Variants in GALNTL6 observed in about 807,000 individuals in gnomAD.
GALNTL6 encodes polypeptide N-acetylgalactosaminyltransferase-like 6.
In GALNTL6, 46 loss-of-function variants were observed where a neutral mutation model predicts 73.7. The observed-to-expected ratio is 0.62, with a 90% CI of 0.49 to 0.80. The LOEUF is 0.80. Ranked by LOEUF, GALNTL6 falls within the 30% of genes least tolerant of loss-of-function variation. GALNTL6 has a pLI of 0.00. For missense variants in GALNTL6, 604 were observed against 755.0 expected (o/e 0.80, Z 2.34); for synonymous variants, 259 against 263.7 (o/e 0.98, Z 0.17).
chr4:172,386,813 T>C lies in GALNTL6; in HGVS notation c.553+38124T>C, dbSNP rs115527767. Among the ~76,000 whole-genome samples, 1,116 of 152,166 alleles carry C rather than the reference T, an allele frequency of 7.3e-3. 13 individuals carry two copies. The highest frequency in any genetic ancestry group is 0.025 in the African/African-American group (1,053 of 41,532). ...TGGTTCCAAGCTTGCCCCCAGCCAA[T>C]TGGATAGTTTCTACCCACATTGAAG... On this transcript the variant is annotated intron_variant, in intron 5 of 12. Transcript: ENST00000506823.
intron 5 of GALNTL6, among the ~76,000 whole-genome samples, chr4:172,490,296 A>T (rs1733849353): frequency 6.6e-6 from 1 of 152,204 alleles, no homozygotes. Flanking sequence ...TAAATAGAAA[A>T]AAAATGCTAT....
In GALNTL6 at chr4:171,859,668, G is replaced by C. The variant is rs1023732578; in HGVS notation, c.138+44950G>C. On this transcript the variant is annotated intron_variant, in intron 2 of 12. Transcript: ENST00000506823. ...ATAGTAGAGTTGCAAAAGGACCCAC[G>C]TAGTTCTCCCAGCAATGTTATGTGA... 3.3e-5 allele frequency among the ~76,000 whole-genome samples: 5 copies of C among 152,186 alleles called. No homozygotes were observed. In the South Asian group the frequency reaches 8.3e-4, roughly 25 times the overall value.
chr4:172,691,797 CTA>C (rs1733316639), intron 5 of GALNTL6, among the ~76,000 whole-genome samples: 1 of 152,196 alleles, frequency 6.6e-6, no homozygotes, highest in Admixed American at 6.6e-5. Flanking sequence ...CTCTCATACT[CTA>C]TGATATAGAA....
intron 5 of GALNTL6, among the ~76,000 whole-genome samples, chr4:172,592,822 A>T (rs907679753): frequency 6.6e-6 from 1 of 152,074 alleles, no homozygotes; most frequent in African/African-American, 2.4e-5. Flanking sequence ...TGAGTTTGAC[A>T]TTTTGATATT....
chr4:173,033,925 A>G (rs72708780), intron 12 of GALNTL6, among the ~76,000 whole-genome samples: 3,577 of 152,280 alleles, frequency 0.023, 70 homozygotes, highest in Non-Finnish European at 0.032. Context: ...CCTGAGATCC[A>G]GTCTATATCT....
chr4:172,961,437 G>A lies in GALNTL6; in HGVS notation c.1371+9179G>A, dbSNP rs528802543. 1.2e-4 allele frequency among the ~76,000 whole-genome samples: 18 copies of A among 152,242 alleles called. No homozygotes were observed. In the East Asian group the frequency reaches 1.9e-3, roughly 16 times the overall value. Reference sequence around the variant, plus strand: ...GGGGTTCTTGCCCCCCCAGAAAAGCGGTACTTGCTGCTAAGGGTGAAGGAC... The same window carrying A: ...GGGGTTCTTGCCCCCCCAGAAAAGCAGTACTTGCTGCTAAGGGTGAAGGAC... On this transcript the variant is annotated intron_variant, in intron 10 of 12. Coordinates refer to ENST00000506823, the MANE Select transcript of GALNTL6 (RefSeq NM_001034845.3).
chr4:172,749,199 G>A (rs1433165389), intron 5 of GALNTL6, among the ~76,000 whole-genome samples: 1 of 152,000 alleles, frequency 6.6e-6, no homozygotes, highest in Non-Finnish European at 1.5e-5. Flanking sequence ...CACAAAAAAG[G>A]TAATCATGTA....
chr4:172,715,516 G>A (rs1044998298), intron 5 of GALNTL6, among the ~76,000 whole-genome samples: 1 of 50,462 alleles, frequency 2.0e-5, no homozygotes, highest in Non-Finnish European at 6.8e-5. Context: ...CAAATGTAAG[G>A]AGGTGGTAGT....
chr4:171,859,945 A>G (rs984826995), intron 2 of GALNTL6, among the ~76,000 whole-genome samples: 5 of 151,888 alleles, frequency 3.3e-5, no homozygotes, highest in African/African-American at 1.2e-4. Flanking sequence ...ATATAGAAAC[A>G]CTCTTTTCAG....
intron 2 of GALNTL6, among the ~76,000 whole-genome samples, chr4:171,875,396 T>C (rs1397539498): frequency 6.6e-6 from 1 of 152,160 alleles, no homozygotes; most frequent in Non-Finnish European, 1.5e-5. Context: ...CTCCCTTGTC[T>C]TTTTCTACTT....
chr4:172,011,289 G>C (rs1239202665), intron 2 of GALNTL6, among the ~76,000 whole-genome samples: 2 of 152,070 alleles, frequency 1.3e-5, no homozygotes, highest in Non-Finnish European at 2.9e-5. Flanking sequence ...ATTTGCGGAG[G>C]AAGAAAGTTG....
At chr4:171,969,577 T>TA (rs1183682410) in intron 2 of GALNTL6, among the ~76,000 whole-genome samples, 1 of 152,240 alleles carries the variant, frequency 6.6e-6, no homozygotes, top group Non-Finnish European at 1.5e-5. Flanking sequence ...TCTGTATTTT[T>TA]ACTCTTGATT....
At chr4:172,876,083 AT>A (rs1350554276) in intron 7 of GALNTL6, among the ~76,000 whole-genome samples, 1 of 152,222 alleles carries the variant, frequency 6.6e-6, no homozygotes, top group Non-Finnish European at 1.5e-5. Context: ...TTAATGCCTT[AT>A]ATAATTGGTA....
rs1741766163 is a variant in GALNTL6, at chr4:172,346,988, C to CTTTCT, written c.387-1532_387-1531insCTTTT. On this transcript the variant is annotated intron_variant, in intron 4 of 12. Coordinates refer to ENST00000506823, the MANE Select transcript of GALNTL6 (RefSeq NM_001034845.3). Reference sequence around the variant, plus strand: ...TTTTTTCTTTTCTTTTGTTTTCTTTCTTTTTTTTTTTTTTTTTTTGAGACA... The same window carrying CTTTCT: ...TTTTTTCTTTTCTTTTGTTTTCTTTCTTTCTTTTTTTTTTTTTTTTTTTTGAGACA... Among the ~76,000 whole-genome samples the CTTTCT allele has an allele frequency of 1.2e-3, 132 of 114,406 alleles. 1 individual carries two copies. Among genetic ancestry groups the CTTTCT allele is most frequent in the African/African-American group, 4.1e-3 (119 of 28,992 alleles). The allele number at this position is 114,406 out of a possible 152,430, so 75.1% of individuals were successfully genotyped here.
At chr4:172,733,631 G>T (rs1278270337) in intron 5 of GALNTL6, among the ~76,000 whole-genome samples, 3 of 152,106 alleles carry the variant, frequency 2.0e-5, no homozygotes, top group Non-Finnish European at 4.4e-5. Flanking sequence ...GTCTCATAAG[G>T]TCTGATGGTT....
intron 5 of GALNTL6, among the ~76,000 whole-genome samples, chr4:172,469,130 T>G (rs2111459363): frequency 6.6e-6 from 1 of 152,220 alleles, no homozygotes; most frequent in South Asian, 2.1e-4. Flanking sequence ...AAGGAAAGTC[T>G]GGGGACAAAG....
Position 172,685,904 on chromosome 4 carries a change from C to T in GALNTL6, c.554-123457C>T, listed in dbSNP as rs555181139. On this transcript the variant is annotated intron_variant, in intron 5 of 12. Transcript: ENST00000506823. ...AGGCAGTCAATAAGTAGTCCATTCC[C>T]TCTGAGACACCAGATGCTGTATGCC... 2.4e-4 allele frequency among the ~76,000 whole-genome samples: 36 copies of T among 152,224 alleles called. 1 individual carries two copies. In the South Asian group the frequency reaches 5.8e-3, roughly 25 times the overall value.
chr4:172,216,834 A>G lies in GALNTL6; in HGVS notation c.139-12822A>G, dbSNP rs187301087. On this transcript the variant is annotated intron_variant, in intron 2 of 12. Transcript: ENST00000506823. The stretch of plus-strand genomic sequence containing the variant: ...GCGCAGCTTGGTTTTATACAGTTTA[A>G]GGAGGCATGGGACATCAATCAAGGA... Among the ~76,000 whole-genome samples, 254 of 152,270 alleles carry G rather than the reference A, an allele frequency of 1.7e-3. 2 individuals are homozygous for G. The Middle Eastern group carries it at 0.02, about 12-fold the overall frequency.
intron 10 of GALNTL6, among the ~76,000 whole-genome samples, chr4:172,976,623 A>AT (rs1303419226): frequency 6.6e-6 from 1 of 152,224 alleles, no homozygotes; most frequent in African/African-American, 2.4e-5. Context: ...ACTTTATAAC[A>AT]TTTTTAAAAT....
Sources: gnomAD v4.1 joint callset for allele counts (sites outside exome capture counted in the v4.1 genomes callset) on GRCh38, gnomAD v4.1.1 for gene constraint, MANE v1.5 for transcripts, NCBI Gene and HGNC (gene_info 2026-07-23, HGNC 2026-07-21) for gene names.